Variants in RNF115 observed in about 807,000 individuals in gnomAD.
RNF115 encodes ring finger protein 115, also known as E3 ubiquitin-protein ligase RNF115.
Under a neutral mutation model 39.2 loss-of-function variants are expected in RNF115, and 31 were observed. The ratio of observed to expected loss-of-function variants is 0.79; its 90% CI spans 0.59 to 1.07. The LOEUF (loss-of-function observed/expected upper bound fraction) is 1.07. RNF115 is among the 50% of genes least tolerant of loss of function. The probability of loss-of-function intolerance (pLI) is 0.00; values close to 1 mark genes in which losing one functional copy is unlikely to be tolerated. For missense variants in RNF115, 384 were observed against 381.7 expected, an observed-to-expected ratio of 1.01 and a Z score of -0.05; for synonymous variants, 124 against 131.0, an observed-to-expected ratio of 0.95 and a Z score of 0.37.
rs373202668 is a variant in RNF115 at position 145,780,913 on chromosome 1, G to A, written c.219+3626C>T. ...TCAGATGACCCACTGGCACCAGGTCGTGGTCAGAAGTTTGCAAGTAATCAA... is the reference window on the plus strand; with the variant it reads ...TCAGATGACCCACTGGCACCAGGTCATGGTCAGAAGTTTGCAAGTAATCAA... On this transcript the variant is annotated intron_variant, in intron 3 of 8. Coordinates refer to ENST00000582693, the MANE Select transcript of RNF115 (RefSeq NM_014455.4). Among the ~76,000 whole-genome samples the A allele has an allele frequency of 2.6e-4, 40 of 152,222 alleles. No homozygotes were observed. In the East Asian group the frequency reaches 4.1e-3, roughly 15 times the overall value.
In RNF115 at chr1:145,797,415, G is replaced by A. The variant is rs77710159; in HGVS notation, c.103-8449C>T. Among the ~76,000 whole-genome samples, 513 of 152,254 alleles carry A rather than the reference G, an allele frequency of 3.4e-3. 6 individuals carry two copies. Among genetic ancestry groups the A allele is most frequent in the Middle Eastern group, 0.01 (3 of 294 alleles). On this transcript the variant is annotated intron_variant, in intron 1 of 8. Transcript: ENST00000582693. ...ATATAAGTGAAAGCATACAGTATTC[G>A]TCTTTGACTGGCTTATTTCACTTAA... is the stretch of plus-strand genomic sequence containing the variant.
chr1:145,758,908 C>A (rs1039825425), intron 4 of RNF115, among the ~76,000 whole-genome samples: 2 of 152,092 alleles, frequency 1.3e-5, no homozygotes, highest in Admixed American at 1.3e-4. Context: ...AAAAAAAAAT[C>A]TTTTCTTGTT....
intron 5 of RNF115, among the ~76,000 whole-genome samples, chr1:145,752,705 C>G (rs1553712644): frequency 6.6e-6 from 1 of 150,960 alleles, no homozygotes; most frequent in East Asian, 1.9e-4. Context: ...TCTCCTGCCT[C>G]AGCCTCCGAG....
chr1:145,789,909 G>A (rs1343423886), intron 1 of RNF115, among the ~76,000 whole-genome samples: 1 of 151,614 alleles, frequency 6.6e-6, no homozygotes, highest in Non-Finnish European at 1.5e-5. Context: ...TGTTGGTCAG[G>A]CTGGTCTCAA....
intron 7 of RNF115, 36 bp from the exon 8 acceptor site, chr1:145,748,146 G>A (rs782236927): frequency 6.8e-7 from 1 of 1,476,828 alleles, no homozygotes; most frequent in African/African-American, 1.4e-5. Flanking sequence ...AAGTAAACAG[G>A]CAAAAGGAAA....
chr1:145,759,838 A>G (rs973831647), intron 4 of RNF115, among the ~76,000 whole-genome samples: 5 of 151,382 alleles, frequency 3.3e-5, no homozygotes, highest in Admixed American at 6.6e-5. Flanking sequence ...TCTGCCCTAC[A>G]TTGGTCTCTC....
chr1:145,763,174 A>G (rs587595929), intron 4 of RNF115, among the ~76,000 whole-genome samples: 1 of 152,368 alleles, frequency 6.6e-6, no homozygotes, highest in South Asian at 2.1e-4. Context: ...TAAAAATTAA[A>G]AAATAAAAAC....
chr1:145,764,435 G>C (rs1342567645), intron 4 of RNF115, among the ~76,000 whole-genome samples: 1 of 151,566 alleles, frequency 6.6e-6, no homozygotes, highest in Non-Finnish European at 1.5e-5. Flanking sequence ...TGTGGGGAGC[G>C]CCTCGGCCCC....
At chr1:145,769,074 T>C (rs1553715394) in intron 4 of RNF115, among the ~76,000 whole-genome samples, 1 of 152,246 alleles carries the variant, frequency 6.6e-6, no homozygotes, top group African/African-American at 2.4e-5. Flanking sequence ...GAAGGCTACT[T>C]AATTTTAAAT....
chr1:145,823,852 C>G lies in RNF115; in HGVS notation c.22G>C (p.Gly8Arg). MAEASAA[G>R]ADSGAAVAAH... ...GCTACAGCGGCGCCCGAGTCCGCCCCGGCCGCCGAAGCCTCCGCCATTTTT... is the reference window on the plus strand; with the variant it reads ...GCTACAGCGGCGCCCGAGTCCGCCCGGGCCGCCGAAGCCTCCGCCATTTTT... Residue 8 changes from glycine to arginine, a missense_variant, in exon 1 of 9, where the codon GGG (glycine) becomes CGG (arginine). Coordinates refer to ENST00000582693, the MANE Select transcript of RNF115 (RefSeq NM_014455.4). 1.3e-6 allele frequency: 2 copies of G among 1,562,434 alleles called. No individual in the cohort carries two copies. The highest frequency in any genetic ancestry group is 1.2e-5 in the South Asian group (1 of 85,626).
intron 4 of RNF115, among the ~76,000 whole-genome samples, chr1:145,764,822 C>T (rs926753026): frequency 3.3e-5 from 5 of 151,248 alleles, no homozygotes; most frequent in Admixed American, 3.3e-4. Context: ...TCCGCCCGGC[C>T]AGCCGCCCCG....
Position 145,746,731 on chromosome 1 carries a change from A to G in RNF115, c.*135T>C. 1 of 841,610 alleles carries G rather than the reference A, an allele frequency of 1.2e-6. No individual in the cohort carries two copies. Among genetic ancestry groups the G allele is most frequent in the Non-Finnish European group, 1.8e-6 (1 of 557,990 alleles). The allele number at this position is 841,610 out of a possible 1,614,324, so 52.1% of individuals were successfully genotyped here. Reference sequence around the variant, plus strand: ...CTAACTTTAAATTTAAAGAAGAAAAACATTCATTGCATTTATATTATGTGT... The same window carrying G: ...CTAACTTTAAATTTAAAGAAGAAAAGCATTCATTGCATTTATATTATGTGT... On this transcript the variant is annotated 3_prime_UTR_variant, in exon 9 of 9. Transcript: ENST00000582693.
intron 4 of RNF115, among the ~76,000 whole-genome samples, chr1:145,754,792 TTG>T (rs1364718634): frequency 2.0e-5 from 3 of 152,202 alleles, no homozygotes; most frequent in African/African-American, 4.8e-5. Flanking sequence ...TATGAATTCA[TTG>T]TGTTTTCTTT....
At chr1:145,751,039 A>G (rs1293742092) in intron 6 of RNF115, among the ~76,000 whole-genome samples, 2 of 152,220 alleles carry the variant, frequency 1.3e-5, no homozygotes, top group East Asian at 1.9e-4. Flanking sequence ...GCATGGGAAT[A>G]CTTTTTTCTC....
In RNF115 at chr1:145,823,971, G is replaced by T; in HGVS notation, c.-98C>A. ...CAGTCGTCGCCGCCGCCGCCGCCTC[G>T]GTGCGGCCCACCGCTTCAGAGCCCG... On this transcript the variant is annotated 5_prime_UTR_variant, in exon 1 of 9. Transcript: ENST00000582693. 3.4e-6 allele frequency: 3 copies of T among 880,752 alleles called. No homozygotes were observed. Among genetic ancestry groups the T allele is most frequent in the South Asian group, 2.2e-5 (1 of 45,746 alleles). 54.6% of individuals were successfully genotyped at this position (880,752 alleles called of 1,614,324 possible). A position where few individuals can be genotyped will look rare whatever the true frequency, so the allele number is the denominator to read the frequency against.
chr1:145,771,388 A>G (rs1000066364), intron 4 of RNF115, among the ~76,000 whole-genome samples: 2 of 152,214 alleles, frequency 1.3e-5, no homozygotes, highest in Admixed American at 6.5e-5. Flanking sequence ...CTCCAGAAAT[A>G]TAAGAAATGA....
intron 7 of RNF115, 53 bp downstream of exon 7, chr1:145,750,354 G>T: frequency 7.2e-7 from 1 of 1,387,754 alleles, no homozygotes; most frequent in Admixed American, 1.8e-5. Flanking sequence ...GAAGATACCG[G>T]GATTTTGAAC....
intron 1 of RNF115, among the ~76,000 whole-genome samples, chr1:145,795,344 C>T (rs587773235): frequency 9.6e-4 from 146 of 152,138 alleles, no homozygotes; most frequent in South Asian, 4.4e-3. Flanking sequence ...GCTTCCACAA[C>T]GCGGAAGGGA....
chr1:145,821,444 CT>C (rs1650231006), intron 1 of RNF115, among the ~76,000 whole-genome samples: 1 of 104,736 alleles, frequency 9.5e-6, no homozygotes, highest in African/African-American at 3.0e-5. Context: ...GAAGTTTAGA[CT>C]GTCTTCTCAC....
Sources: gnomAD v4.1 joint callset for allele counts (sites outside exome capture counted in the v4.1 genomes callset) on GRCh38, gnomAD v4.1.1 for gene constraint, MANE v1.5 for transcripts, NCBI Gene and HGNC (gene_info 2026-07-23, HGNC 2026-07-21) for gene names.